SPINT1: variants seen among roughly 807,000 people sequenced by gnomAD.
SPINT1 encodes kunitz-type protease inhibitor 1.
Under a neutral mutation model 53.7 loss-of-function variants are expected in SPINT1, and 38 were observed. The ratio of observed to expected loss-of-function variants is 0.71; its 90% CI spans 0.55 to 0.93. The LOEUF is 0.93. Among genes scored for constraint, SPINT1 ranks in the 40% least tolerant of loss-of-function variants. The pLI is 0.00. For synonymous variants in SPINT1, 283 were observed against 280.6 expected (o/e 1.01, Z -0.08); for missense variants, 645 against 692.9 (o/e 0.93, Z 0.78).
chr15:40,847,499 G>A (rs907557422), intron 2 of SPINT1, among the ~76,000 whole-genome samples: 11 of 152,160 alleles, frequency 7.2e-5, no homozygotes, highest in African/African-American at 2.7e-4. Flanking sequence ...TCCTGCAGCT[G>A]GAGGCGGAGC....
chr15:40,851,056 G>C (rs367635570), intron 2 of SPINT1, among the ~76,000 whole-genome samples: 1 of 152,260 alleles, frequency 6.6e-6, no homozygotes, highest in African/African-American at 2.4e-5. Context: ...CCCTGGCCTG[G>C]CCTCCAGGAC....
chr15:40,847,760 T>A (rs939031463), intron 2 of SPINT1, among the ~76,000 whole-genome samples: 1 of 152,092 alleles, frequency 6.6e-6, no homozygotes, highest in African/African-American at 2.4e-5. Context: ...TGAGTTGTGT[T>A]GGGGTGGGAT....
intron 5 of SPINT1, 76 bp downstream of exon 5, chr15:40,853,957 G>T: frequency 6.2e-7 from 1 of 1,612,298 alleles, no homozygotes; most frequent in South Asian, 1.1e-5. Flanking sequence ...TCTGTGGCCA[G>T]GGAGGTGGGT....
rs1891535333 is a variant in SPINT1, at chr15:40,853,726, C to T, written c.758C>T (p.Ser253Phe). The change falls in exon 5 of 11, where the codon TCC becomes TTC. Residue 253 changes from serine to phenylalanine, a missense_variant. Ser to Phe is a radical substitution (Grantham distance 155). Coordinates refer to ENST00000562057, the MANE Select transcript of SPINT1 (RefSeq NM_003710.4). ...TCCCCCCTAGACTACTGCCTCGCAT[C>T]CAACAAGGTGGGTCGCTGCCGGGGC... ...TKQTEDYCLA[S>F]NKVGRCRGSF... 6.8e-6 allele frequency: 11 copies of T among 1,614,136 alleles called. No homozygotes were observed. The highest frequency in any genetic ancestry group is 9.3e-6 in the Non-Finnish European group (11 of 1,179,972).
chr15:40,844,571 C>G lies in SPINT1; in HGVS notation c.17C>G (p.Thr6Arg), dbSNP rs1891215139. 1 of 1,610,048 alleles carries G rather than the reference C, an allele frequency of 6.2e-7. No homozygotes were observed. The highest frequency in any genetic ancestry group is 1.7e-5 in the Admixed American group (1 of 59,926). ...AGGAAGGCGATGGCCCCTGCGAGGA[C>G]GATGGCCCGCGCCCGCCTCGCCCCG... MAPAR[T>R]MARARLAPAG... is the part of the protein sequence containing the mutation. The change falls in exon 2 of 11, where the codon ACG becomes AGG. Residue 6 changes from threonine to arginine, a missense_variant. Transcript: ENST00000562057. This position sits in a 1 kb window ranked among gnomAD's most constrained non-coding sequence, Gnocchi z 5.8.
In SPINT1 at chr15:40,856,052, CG is replaced by C; in HGVS notation, c.1280del (p.Gly427AlafsTer10). ...EEQQCLESCR[G>X]ISKKDVFGLR... ...AGCAGCAGTGCCTCGAGTCTTGTCG[CG>C]GCATCTCCAGTGAGTGGGCCAGTGA... On this transcript the variant is annotated frameshift_variant, in exon 9 of 11. Coordinates refer to ENST00000562057, the MANE Select transcript of SPINT1 (RefSeq NM_003710.4). LOFTEE classifies it high-confidence loss of function. The C allele has an allele frequency of 6.2e-7, 1 of 1,613,956 alleles. No homozygotes were observed. The highest frequency in any genetic ancestry group is 8.5e-7 in the Non-Finnish European group (1 of 1,179,982).
intron 2 of SPINT1, among the ~76,000 whole-genome samples, chr15:40,849,769 T>C (rs993093866): frequency 6.6e-6 from 1 of 152,182 alleles, no homozygotes; most frequent in Non-Finnish European, 1.5e-5. Flanking sequence ...ATCTTTCTGG[T>C]GTCAACTTTC....
chr15:40,844,126 C>T lies in SPINT1; in HGVS notation c.-126C>T, dbSNP rs1261314137. 4.6e-6 allele frequency: 2 copies of T among 438,008 alleles called. No individual in the cohort carries two copies. Among genetic ancestry groups the T allele is most frequent in the East Asian group, 1.8e-4 (2 of 10,852 alleles). The allele number at this position is 438,008 out of a possible 1,614,324, so 27.1% of individuals were successfully genotyped here. A position where few individuals can be genotyped will look rare whatever the true frequency, so the allele number is the denominator to read the frequency against. ...CCGGGTCGGAAGCCGCGACCCGAGC[C>T]GCGCAGGAAGCTGGGACCGGAACCT... On this transcript the variant is annotated 5_prime_UTR_variant, in exon 1 of 11. Transcript: ENST00000562057. The surrounding 1 kb of genome is among the most constrained non-coding windows in gnomAD (Gnocchi z 5.8).
At position 40,853,067 on chromosome 15, in the gene SPINT1, G is replaced by A. The variant is rs1891509882; in HGVS notation, c.476-57G>A. ...TTTCACCACCCCACTTTGCTCCTGA[G>A]AGAAGCCTGGTCCATCTAGTGAGAA... On this transcript the variant is annotated intron_variant, in intron 2 of 10. Transcript: ENST00000562057. The A allele has an allele frequency of 5.1e-6, 8 of 1,576,732 alleles. No individual in the cohort carries two copies. In the South Asian group the frequency reaches 9.3e-5, roughly 18 times the overall value.
At chr15:40,850,801 C>G (rs966119750) in intron 2 of SPINT1, among the ~76,000 whole-genome samples, 1 of 152,218 alleles carries the variant, frequency 6.6e-6, no homozygotes, top group African/African-American at 2.4e-5. Flanking sequence ...CCAGCCTCCT[C>G]GCTCCACAGA....
chr15:40,853,517 G>T lies in SPINT1; in HGVS notation c.632G>T (p.Trp211Leu). 1.2e-6 allele frequency: 2 copies of T among 1,614,144 alleles called. No individual in the cohort carries two copies. The highest frequency in any genetic ancestry group is 1.7e-6 in the Non-Finnish European group (2 of 1,179,998). ...AAAGACCCAAACCAGGTGGAACTGT[G>T]GGGACTCAAGGAAGGCACCTACCTG... ...ERKDPNQVEL[W>L]GLKEGTYLFQ... Residue 211 changes from tryptophan to leucine, a missense_variant, in exon 4 of 11, where the codon TGG (tryptophan) becomes TTG (leucine). Physicochemically the swap from Trp to Leu is moderately conservative, Grantham distance 61. Coordinates refer to ENST00000562057, the MANE Select transcript of SPINT1 (RefSeq NM_003710.4).
chr15:40,847,961 A>G (rs2412569), intron 2 of SPINT1, among the ~76,000 whole-genome samples: 115,867 of 151,542 alleles, frequency 0.76, 44,553 homozygotes, highest in East Asian at 0.99. Flanking sequence ...TTCTCAGGGT[A>G]CTCTCCTGTT....
In SPINT1 at chr15:40,844,850, T is replaced by C; in HGVS notation, c.296T>C (p.Leu99Ser). The change falls in exon 2 of 11, where the codon TTG becomes TCG. Residue 99 changes from leucine (L) to serine (S), a missense_variant. Physicochemically the swap from Leu to Ser is moderately radical, Grantham distance 145. Coordinates refer to ENST00000562057, the MANE Select transcript of SPINT1 (RefSeq NM_003710.4). The surrounding 1 kb of genome is among the most constrained non-coding windows in gnomAD (Gnocchi z 5.8). ...RACCTTQNCN[L>S]ALVELQPDRG... ...TGCTGCACCACCCAGAACTGCAACTTGGCGCTAGTGGAGCTGCAGCCCGAC... is the reference window on the plus strand; with the variant it reads ...TGCTGCACCACCCAGAACTGCAACTCGGCGCTAGTGGAGCTGCAGCCCGAC... The C allele has an allele frequency of 6.2e-7, 1 of 1,613,748 alleles. No homozygotes were observed. Among genetic ancestry groups the C allele is most frequent in the Non-Finnish European group, 8.5e-7 (1 of 1,179,988 alleles).
At chr15:40,850,213 C>T (rs1465082091) in intron 2 of SPINT1, among the ~76,000 whole-genome samples, 2 of 152,214 alleles carry the variant, frequency 1.3e-5, no homozygotes, top group Admixed American at 6.5e-5. Flanking sequence ...GCTGGGATTA[C>T]AGGCATGTGC....
rs766436580 is a variant in SPINT1 at position 40,858,037 on chromosome 15, C to T, written c.*1062C>T. 2.0e-5 allele frequency: 3 copies of T among 152,162 alleles called. No individual in the cohort carries two copies. The highest frequency in any genetic ancestry group is 6.5e-5 in the Admixed American group (1 of 15,280). 9.4% of individuals were successfully genotyped at this position (152,162 alleles called of 1,614,324 possible). On this transcript the variant is annotated 3_prime_UTR_variant, in exon 11 of 11. Transcript: ENST00000562057. ...TTAGGGCCCAGGTGACTAGCTGTCT[C>T]CCTCCCAACAGAAGCCCTGGCTTCT...
In SPINT1 at chr15:40,856,889, C is replaced by A. The variant is rs1322356894; in HGVS notation, c.1456C>A (p.Pro486Thr). The A allele has an allele frequency of 1.2e-6, 2 of 1,614,000 alleles. No homozygotes were observed. The highest frequency in any genetic ancestry group is 1.7e-6 in the Non-Finnish European group (2 of 1,180,030). The change falls in exon 11 of 11, where the codon CCA becomes ACA. Residue 486 changes from proline (P) to threonine (T), a missense_variant. Transcript: ENST00000562057. ...GGACTTCCACGGACACCACCACCAC[C>A]CACCACCCACCCCTGCCAGCTCCAC... ...RKDFHGHHHH[P>T]PPTPASSTVS...
chr15:40,854,199 G>A, intron 6 of SPINT1, 113 bp downstream of exon 6: 3 of 1,391,206 alleles, frequency 2.2e-6, no homozygotes, highest in East Asian at 2.3e-5. Context: ...CTCAGAGTTT[G>A]TGGAAGGACC....
chr15:40,856,217 G>C, intron 9 of SPINT1, 59 bp from the exon 10 acceptor site: 3 of 1,608,966 alleles, frequency 1.9e-6, no homozygotes, highest in African/African-American at 1.3e-5. Context: ...GGGCACTGGG[G>C]AGCAGCTGAG....
intron 2 of SPINT1, among the ~76,000 whole-genome samples, chr15:40,846,415 A>G (rs1891299384): frequency 6.6e-6 from 1 of 152,166 alleles, no homozygotes; most frequent in Non-Finnish European, 1.5e-5. Context: ...AACAACTTCC[A>G]AAAAGGGTGC....
Sources: allele counts gnomAD v4.1 joint callset (sites outside exome capture counted in the v4.1 genomes callset), GRCh38; gene constraint gnomAD v4.1.1; non-coding constraint Gnocchi (gnomAD v3.1); transcripts MANE v1.5; gene names NCBI Gene and HGNC (gene_info 2026-07-23, HGNC 2026-07-21).